CTPS2: variants seen among roughly 807,000 people sequenced by gnomAD.
The protein encoded by CTPS2 is CTP synthase 2, also known as CTP synthase II.
Under a neutral mutation model 46.8 loss-of-function variants are expected in CTPS2, and 19 were observed. That is an observed-to-expected ratio of 0.41 (90% confidence interval 0.28 to 0.60). The LOEUF (loss-of-function observed/expected upper bound fraction) is 0.60, where lower values mean the gene tolerates loss of function less well. Ranked by LOEUF, CTPS2 falls within the 20% of genes least tolerant of loss-of-function variation. The pLI, the probability that CTPS2 is intolerant of heterozygous loss-of-function variation, is 0.35. For synonymous variants in CTPS2, 151 were observed against 165.2 expected (o/e 0.91, Z 0.66); for missense variants, 286 against 447.6 (o/e 0.64, Z 3.26).
At chrX:16,687,532 A>G (rs1314794308) in intron 8 of CTPS2, among the ~76,000 whole-genome samples, 2 of 109,635 alleles carry the variant, frequency 1.8e-5, no homozygotes, top group Non-Finnish European at 3.8e-5. Flanking sequence ...AAACGCATAG[A>G]GTATAATTTA....
At chrX:16,667,380 C>T (rs978500422) in intron 13 of CTPS2, 134 bp downstream of exon 13, 31 of 625,414 alleles carry the variant, frequency 5.0e-5, no homozygotes, top group Non-Finnish European at 7.8e-5. Flanking sequence ...GTGATCCGCC[C>T]GCCTTGACCT....
At chrX:16,666,949 G>A (rs1161186598) in intron 13 of CTPS2, among the ~76,000 whole-genome samples, 3 of 111,252 alleles carry the variant, frequency 2.7e-5, no homozygotes, top group African/African-American at 9.8e-5. Flanking sequence ...TGTCACAGCC[G>A]ATTTAATCCT....
chrX:16,691,717 G>C, intron 6 of CTPS2, 97 bp from the exon 7 acceptor site: 2 of 659,323 alleles, frequency 3.0e-6, no homozygotes, highest in African/African-American at 2.1e-5. Context: ...GTATGTACTT[G>C]TTCACTTTGG....
chrX:16,590,555 C>A lies in CTPS2; in HGVS notation c.*41+197G>T, dbSNP rs190021009. On this transcript the variant is annotated intron_variant, in intron 18 of 18. Coordinates refer to ENST00000359276, the MANE Select transcript of CTPS2 (RefSeq NM_175859.3). ...TGTACTTATATTTTTTTTTTCCTGG[C>A]CCAAGGTGCATTCCATTTTCCCCAA... Among the ~76,000 whole-genome samples, 4 of 110,978 alleles carry A rather than the reference C, an allele frequency of 3.6e-5. No homozygotes were observed. In the Admixed American group the frequency reaches 3.8e-4, roughly 11 times the overall value.
intron 13 of CTPS2, among the ~76,000 whole-genome samples, chrX:16,651,604 T>C (rs775091179): frequency 1.8e-5 from 2 of 112,369 alleles, no homozygotes; most frequent in South Asian, 3.7e-4. Flanking sequence ...CACTGACAAA[T>C]TGCCTTGTCA....
chrX:16,675,269 C>CAA (rs756479055), intron 10 of CTPS2, among the ~76,000 whole-genome samples: 77 of 71,339 alleles, frequency 1.1e-3, no homozygotes, highest in South Asian at 0.01. Context: ...GACTGTGTCT[C>CAA]AAAAAAAAAA....
intron 10 of CTPS2, among the ~76,000 whole-genome samples, chrX:16,674,610 G>A (rs1297797156): frequency 5.9e-4 from 64 of 108,264 alleles, no homozygotes; most frequent in African/African-American, 1.8e-3. Context: ...AGGCCAAGGT[G>A]GGCAGATCAC....
intron 1 of CTPS2, among the ~76,000 whole-genome samples, chrX:16,706,185 C>T: frequency 9.2e-6 from 1 of 108,557 alleles, no homozygotes; most frequent in Non-Finnish European, 1.9e-5. Flanking sequence ...GCACTTTGGG[C>T]AGCCAATGCA....
At chrX:16,653,104 A>G (rs1484453871) in intron 13 of CTPS2, among the ~76,000 whole-genome samples, 1 of 110,733 alleles carries the variant, frequency 9.0e-6, no homozygotes, top group Non-Finnish European at 1.9e-5. Flanking sequence ...CACAATTTAT[A>G]TATACATATA....
intron 17 of CTPS2, among the ~76,000 whole-genome samples, chrX:16,604,760 ATT>A (rs778101218): frequency 1.7e-3 from 195 of 112,726 alleles, no homozygotes; most frequent in Non-Finnish European, 2.3e-3. Flanking sequence ...CCTGAAATGT[ATT>A]TCTTATAATT....
rs180749891 is a variant in CTPS2, at chrX:16,689,443, C to T, written c.872+7G>A. 21 of 1,205,584 alleles carry T rather than the reference C, an allele frequency of 1.7e-5. No homozygotes were observed. In the African/African-American group the frequency reaches 3.1e-4, roughly 18 times the overall value. ...TAAAGATTATACAAGTAATTCCTTT[C>T]GCTTACCTGTCAGCCATATTTCTCC... is the stretch of plus-strand genomic sequence containing the variant. On this transcript the variant is annotated splice_region_variant and intron_variant, in intron 8 of 18. Coordinates refer to ENST00000359276, the MANE Select transcript of CTPS2 (RefSeq NM_175859.3).
At chrX:16,703,365 A>G (rs1037737843) in intron 1 of CTPS2, among the ~76,000 whole-genome samples, 5 of 94,434 alleles carry the variant, frequency 5.3e-5, no homozygotes, top group African/African-American at 1.2e-4. Context: ...GTGTCTCCCT[A>G]TGTCACCCAG....
intron 1 of CTPS2, among the ~76,000 whole-genome samples, chrX:16,709,427 CA>C (rs776924145): frequency 0.035 from 1,904 of 53,939 alleles, 34 homozygotes; most frequent in African/African-American, 0.098. Context: ...AACCGTGTCT[CA>C]AAAAAAAAAA....
chrX:16,662,943 T>G (rs1222043104), intron 13 of CTPS2, among the ~76,000 whole-genome samples: 4 of 111,459 alleles, frequency 3.6e-5, no homozygotes, highest in African/African-American at 9.8e-5. Flanking sequence ...CAAGGATATA[T>G]GTACATGGAT....
intron 4 of CTPS2, among the ~76,000 whole-genome samples, chrX:16,697,719 A>G (rs993830268): frequency 9.0e-6 from 1 of 111,330 alleles, no homozygotes; most frequent in Non-Finnish European, 1.9e-5. Context: ...CCGGAATTGC[A>G]GGCATGAGCC....
At chrX:16,635,250 T>G in intron 14 of CTPS2, among the ~76,000 whole-genome samples, 1 of 111,893 alleles carries the variant, frequency 8.9e-6, no homozygotes, top group Admixed American at 9.5e-5. Context: ...GAAAAAAGTC[T>G]ACAAAAGAAA....
At chrX:16,640,959 G>T (rs1226295428) in intron 13 of CTPS2, among the ~76,000 whole-genome samples, 1 of 111,993 alleles carries the variant, frequency 8.9e-6, no homozygotes, top group Non-Finnish European at 1.9e-5. Context: ...GGGAAAGGGT[G>T]GAGAAGAAAC....
Position 16,625,845 on chromosome X carries a change from T to C in CTPS2, c.1394-5513A>G, listed in dbSNP as rs60030373. On this transcript the variant is annotated intron_variant, in intron 14 of 18. Transcript: ENST00000359276. ...ATGTTCAGATGCTCCTTCTCTTCTC[T>C]CCTTCTCTGCCACACCACTCTTCTG... Among the ~76,000 whole-genome samples the C allele has an allele frequency of 3.2e-3, 352 of 110,731 alleles. 5 individuals are homozygous for C. Among genetic ancestry groups the C allele is most frequent in the African/African-American group, 0.011 (342 of 30,427 alleles).
intron 10 of CTPS2, among the ~76,000 whole-genome samples, 174 bp downstream of exon 10, chrX:16,678,188 T>A (rs1380020465): frequency 8.9e-6 from 1 of 112,164 alleles, no homozygotes; most frequent in Non-Finnish European, 1.9e-5. Flanking sequence ...AGCATTAACA[T>A]GGCACATTTC....
Sources: allele counts gnomAD v4.1 joint callset (sites outside exome capture counted in the v4.1 genomes callset), GRCh38; gene constraint gnomAD v4.1.1; transcripts MANE v1.5; gene names NCBI Gene and HGNC (gene_info 2026-07-23, HGNC 2026-07-21).